The following PLA2R1 variants were observed in gnomAD, a reference collection of about 807,000 sequenced individuals.
PLA2R1 encodes the protein secretory phospholipase A2 receptor.
In PLA2R1, 158 loss-of-function variants were observed where a neutral mutation model predicts 195.9. The observed-to-expected ratio is 0.81, with a 90% CI of 0.71 to 0.92. The LOEUF is 0.92. Ranked by LOEUF, PLA2R1 falls within the 40% of genes least tolerant of loss-of-function variation. The probability of loss-of-function intolerance (pLI) is 0.00; values close to 1 mark genes in which losing one functional copy is unlikely to be tolerated. For synonymous variants in PLA2R1, 586 were observed against 598.2 expected (o/e 0.98, Z 0.30); for missense variants, 1,626 against 1,764.6 (o/e 0.92, Z 1.41).
At chr2:159,967,943 T>C (rs1283998930) in intron 19 of PLA2R1, among the ~76,000 whole-genome samples, 1 of 152,204 alleles carries the variant, frequency 6.6e-6, no homozygotes, top group Non-Finnish European at 1.5e-5. Context: ...ATCATAGAAC[T>C]GATTAAAATC....
chr2:159,960,637 A>C (rs1477061580), intron 20 of PLA2R1, among the ~76,000 whole-genome samples: 1 of 152,182 alleles, frequency 6.6e-6, no homozygotes, highest in African/African-American at 2.4e-5. Flanking sequence ...ACACACACAC[A>C]CTTAGAATTT....
chr2:159,993,216 T>C (rs1242137687), intron 11 of PLA2R1, among the ~76,000 whole-genome samples: 1 of 152,104 alleles, frequency 6.6e-6, no homozygotes, highest in African/African-American at 2.4e-5. Flanking sequence ...CAATAATTAG[T>C]ATGGATGAAA....
intron 20 of PLA2R1, among the ~76,000 whole-genome samples, chr2:159,963,109 C>T (rs1256637747): frequency 6.6e-6 from 1 of 152,140 alleles, no homozygotes; most frequent in Non-Finnish European, 1.5e-5. Flanking sequence ...TTGGGTTGTT[C>T]ACTATCTGTA....
rs1189976144 is a variant in PLA2R1, at chr2:160,003,341, G to T, written c.1834+2311C>A. ...AATATAAACTTTTTTACTACAAAAA[G>T]TTTAACATTTATGTGTGACAAAACA... On this transcript the variant is annotated intron_variant, in intron 11 of 29. Coordinates refer to ENST00000283243, the MANE Select transcript of PLA2R1 (RefSeq NM_007366.5). Among the ~76,000 whole-genome samples, 3 of 151,960 alleles carry T rather than the reference G, an allele frequency of 2.0e-5. No homozygotes were observed. In the South Asian group the frequency reaches 6.2e-4, roughly 32 times the overall value.
intron 17 of PLA2R1, among the ~76,000 whole-genome samples, chr2:159,973,871 G>C (rs1385161406): frequency 6.6e-6 from 1 of 151,960 alleles, no homozygotes; most frequent in Non-Finnish European, 1.5e-5. Context: ...GCCATATAAG[G>C]CACCATAAAG....
At chr2:159,973,217 G>C (rs1689303627) in intron 17 of PLA2R1, among the ~76,000 whole-genome samples, 3 of 151,908 alleles carry the variant, frequency 2.0e-5, no homozygotes, top group African/African-American at 7.3e-5. Context: ...TTAGGTGTGG[G>C]GTTTCTTTCT....
chr2:159,960,085 C>T lies in PLA2R1; in HGVS notation c.2905-3458G>A, dbSNP rs376736709. Among the ~76,000 whole-genome samples the T allele has an allele frequency of 5.9e-5, 9 of 152,284 alleles. No homozygotes were observed. The South Asian group carries it at 6.2e-4, about 11-fold the overall frequency. On this transcript the variant is annotated intron_variant, in intron 20 of 29. Coordinates refer to ENST00000283243, the MANE Select transcript of PLA2R1 (RefSeq NM_007366.5). ...TAGGATAGAGGCCAGAAGTCCAACA[C>T]GGTATCACCCTTTCCACTTCTTTTG...
chr2:160,057,844 G>A (rs1695665356), intron 1 of PLA2R1, among the ~76,000 whole-genome samples: 1 of 152,126 alleles, frequency 6.6e-6, no homozygotes, highest in Non-Finnish European at 1.5e-5. Flanking sequence ...GACAGTCCTC[G>A]TGCACTCCCA....
At chr2:160,007,581 T>C (rs1692084158) in intron 10 of PLA2R1, among the ~76,000 whole-genome samples, 1 of 152,230 alleles carries the variant, frequency 6.6e-6, no homozygotes, top group Admixed American at 6.5e-5. Flanking sequence ...ATGTGGAGTT[T>C]GGCCAGAAGA....
At chr2:160,045,278 C>T (rs2105618790) in intron 1 of PLA2R1, 121 bp from the exon 2 acceptor site, 1 of 752,798 alleles carries the variant, frequency 1.3e-6, no homozygotes, top group East Asian at 2.7e-5. Context: ...TCCCACAGAT[C>T]TGGAGTTGTT....
chr2:159,969,463 A>G, intron 18 of PLA2R1, 104 bp from the exon 19 acceptor site: 1 of 602,430 alleles, frequency 1.7e-6, no homozygotes, highest in South Asian at 2.4e-5. Context: ...ATAATATTCT[A>G]TTAAATTTAA....
At chr2:159,963,442 G>C (rs1424492681) in intron 20 of PLA2R1, among the ~76,000 whole-genome samples, 1 of 152,072 alleles carries the variant, frequency 6.6e-6, no homozygotes, top group East Asian at 1.9e-4. Flanking sequence ...TATCAAGAAA[G>C]TTAAAAGACA....
chr2:160,025,588 C>CAAAAAAAAAAAAAAAAAAAAAAAAAAG (rs56365741), intron 6 of PLA2R1, among the ~76,000 whole-genome samples: 1 of 52,868 alleles, frequency 1.9e-5, no homozygotes, highest in Non-Finnish European at 3.2e-5. Context: ...AACCATAAAG[C>CAAAAAAAAAAAAAAAAAAAAAAAAAAG]AAAAAAAAAA....
chr2:160,061,371 T>C (rs77869540), intron 1 of PLA2R1, among the ~76,000 whole-genome samples: 2,101 of 152,286 alleles, frequency 0.014, 30 homozygotes, highest in Non-Finnish European at 0.021. Context: ...AGGTGCTCAA[T>C]AAGTGTTTGC....
intron 11 of PLA2R1, 73 bp downstream of exon 11, chr2:160,005,579 G>C (rs2105395906): frequency 7.9e-7 from 1 of 1,272,404 alleles, no homozygotes. Context: ...ATCAAAGGAG[G>C]TGGGCCAAGG....
At position 159,940,831 on chromosome 2, in the gene PLA2R1, TCAA is replaced by T. The variant is rs1687051944; in HGVS notation, c.*944_*946del. The T allele has an allele frequency of 2.0e-5, 3 of 152,348 alleles. No homozygotes were observed. Among genetic ancestry groups the T allele is most frequent in the East Asian group, 3.8e-4 (2 of 5,196 alleles). 9.4% of individuals were successfully genotyped at this position (152,348 alleles called of 1,614,324 possible). A position where few individuals can be genotyped will look rare whatever the true frequency, so the allele number is the denominator to read the frequency against. ...AGATTACTAATTTATTTAGTACTTC[TCAA>T]CAACATCTGTCTGGTTCTAATGAGA... On this transcript the variant is annotated 3_prime_UTR_variant, in exon 30 of 30. Coordinates refer to ENST00000283243, the MANE Select transcript of PLA2R1 (RefSeq NM_007366.5).
At chr2:160,018,991 C>T (rs1558939296) in intron 8 of PLA2R1, among the ~76,000 whole-genome samples, 1 of 152,154 alleles carries the variant, frequency 6.6e-6, no homozygotes, top group South Asian at 2.1e-4. Context: ...CCCAACAACC[C>T]CCTAAAACTC....
intron 1 of PLA2R1, among the ~76,000 whole-genome samples, chr2:160,053,728 G>A (rs1411700449): frequency 6.6e-6 from 1 of 152,250 alleles, no homozygotes; most frequent in Non-Finnish European, 1.5e-5. Flanking sequence ...TGTGCAGCAG[G>A]CAGCATCAAT....
chr2:159,957,006 G>T (rs1688137582), intron 20 of PLA2R1, among the ~76,000 whole-genome samples: 1 of 151,912 alleles, frequency 6.6e-6, no homozygotes, highest in South Asian at 2.1e-4. Context: ...TCTGGGGGTG[G>T]CAATGAACAG....
Sources: allele counts gnomAD v4.1 joint callset (sites outside exome capture counted in the v4.1 genomes callset), GRCh38; gene constraint gnomAD v4.1.1; transcripts MANE v1.5; gene names NCBI Gene and HGNC (gene_info 2026-07-23, HGNC 2026-07-21).